Variants in AREL1 observed in about 807,000 individuals in gnomAD.
AREL1 encodes the protein apoptosis-resistant E3 ubiquitin protein ligase 1.
Under a neutral mutation model 99.0 loss-of-function variants are expected in AREL1, and 62 were observed. The ratio of observed to expected loss-of-function variants is 0.63; its 90% CI spans 0.51 to 0.77. The LOEUF is 0.77. Among genes scored for constraint, AREL1 ranks in the 30% least tolerant of loss-of-function variants. The probability of loss-of-function intolerance (pLI) is 0.00; values close to 1 mark genes in which losing one functional copy is unlikely to be tolerated. For synonymous variants in AREL1, 380 were observed against 376.5 expected, an observed-to-expected ratio of 1.01 and a Z score of -0.11; for missense variants, 879 against 1,027.6, an observed-to-expected ratio of 0.86 and a Z score of 1.98.
intron 7 of AREL1, 81 bp from the exon 8 acceptor site, chr14:74,676,027 G>A (rs747390404): frequency 4.1e-5 from 63 of 1,549,798 alleles, no homozygotes; most frequent in Non-Finnish European, 5.1e-5. Flanking sequence ...TAGTCCACAG[G>A]ACAAGCCAAA....
Position 74,684,696 on chromosome 14 carries a change from A to C in AREL1, c.17-16T>G. 6.2e-7 allele frequency: 1 copy of C among 1,610,124 alleles called. No homozygotes were observed. The highest frequency in any genetic ancestry group is 1.3e-5 in the African/African-American group (1 of 74,962). ...GTGATTCCACCTATGCAAAAGAGAG[A>C]ACACACAAACCGCCTGCCAGTTACA... On this transcript the variant is annotated splice_polypyrimidine_tract_variant and intron_variant, in intron 3 of 19. Coordinates refer to ENST00000356357, the MANE Select transcript of AREL1 (RefSeq NM_001039479.2).
Position 74,667,551 on chromosome 14 carries a change from T to C in AREL1, c.1958A>G (p.Asn653Ser), listed in dbSNP as rs768107446. Residue 653 changes from asparagine to serine, a missense_variant, in exon 16 of 20, where the codon AAT (asparagine) becomes AGT (serine). Physicochemically the swap from Asn to Ser is conservative, Grantham distance 46. Coordinates refer to ENST00000356357, the MANE Select transcript of AREL1 (RefSeq NM_001039479.2). ...MTGGAQTPVT[N>S]ANKIFYLNLL... Reference sequence around the variant, plus strand: ...ATTTAAATAGAAGATTTTATTCGCATTGGTGACTGGAGTTTGAGCTCCACC... The same window carrying C: ...ATTTAAATAGAAGATTTTATTCGCACTGGTGACTGGAGTTTGAGCTCCACC... 6.8e-6 allele frequency: 11 copies of C among 1,613,696 alleles called. No individual in the cohort carries two copies. In the East Asian group the frequency reaches 2.0e-4, roughly 29 times the overall value.
intron 5 of AREL1, among the ~76,000 whole-genome samples, chr14:74,678,937 C>T (rs558417756): frequency 1.3e-5 from 2 of 152,284 alleles, no homozygotes; most frequent in African/African-American, 4.8e-5. Context: ...GTCACCCAGG[C>T]TGGAGTGTAG....
At chr14:74,684,923 T>C (rs1217043994) in intron 3 of AREL1, among the ~76,000 whole-genome samples, 9 of 152,204 alleles carry the variant, frequency 5.9e-5, no homozygotes, top group Admixed American at 3.3e-4. Context: ...TAAAGTTCCA[T>C]TGGGATACAG....
chr14:74,662,098 G>C lies in AREL1; in HGVS notation c.*1622C>G, dbSNP rs777778000. 1 of 153,172 alleles carries C rather than the reference G, an allele frequency of 6.5e-6. No homozygotes were observed. The highest frequency in any genetic ancestry group is 1.5e-5 in the Non-Finnish European group (1 of 68,452). The allele number at this position is 153,172 out of a possible 1,614,324, so 9.5% of individuals were successfully genotyped here. ...TGACCATGTGGCATGGAGGATCCTG[G>C]GGTATAGAGACCCTGATGCTGGATC... is the stretch of plus-strand genomic sequence containing the variant. On this transcript the variant is annotated 3_prime_UTR_variant, in exon 20 of 20. Coordinates refer to ENST00000356357, the MANE Select transcript of AREL1 (RefSeq NM_001039479.2).
At chr14:74,672,341 T>C (rs1420162909) in intron 11 of AREL1, among the ~76,000 whole-genome samples, 2 of 152,188 alleles carry the variant, frequency 1.3e-5, no homozygotes, top group Non-Finnish European at 2.9e-5. Context: ...AAGAGAGAAA[T>C]TTAGGTTTCA....
intron 1 of AREL1, chr14:74,711,935 T>G (rs1236075254): frequency 6.6e-6 from 1 of 150,494 alleles, no homozygotes; most frequent in African/African-American, 2.4e-5. Context: ...ATAACATATT[T>G]TACTTCCAAC....
At chr14:74,706,105 C>T (rs2090173893) in intron 1 of AREL1, among the ~76,000 whole-genome samples, 1 of 152,198 alleles carries the variant, frequency 6.6e-6, no homozygotes, top group Non-Finnish European at 1.5e-5. Flanking sequence ...TTTCTATATA[C>T]AAAACTGACT....
intron 15 of AREL1, among the ~76,000 whole-genome samples, chr14:74,668,239 C>A (rs546862328): frequency 3.3e-4 from 50 of 152,252 alleles, no homozygotes; most frequent in African/African-American, 1.2e-3. Context: ...AATTGGTATC[C>A]CCCAATAAAC....
At position 74,672,370 on chromosome 14, in the gene AREL1, CTTTTA is replaced by C. The variant is rs371747758; in HGVS notation, c.1422+456_1422+460del. ...GGTTTCAGAAATTTAGTATATCTGT[CTTTTA>C]TAAGTATATCTGTCTTTTATAAGTA... On this transcript the variant is annotated intron_variant, in intron 11 of 19. Transcript: ENST00000356357. Among the ~76,000 whole-genome samples, 94 of 152,200 alleles carry C rather than the reference CTTTTA, an allele frequency of 6.2e-4. No individual in the cohort carries two copies. In the East Asian group the frequency reaches 0.017, roughly 27 times the overall value.
chr14:74,704,398 T>C (rs1321486100), intron 1 of AREL1, among the ~76,000 whole-genome samples: 1 of 152,152 alleles, frequency 6.6e-6, no homozygotes, highest in Non-Finnish European at 1.5e-5. Flanking sequence ...AATCAAGATG[T>C]ATACTGGCTC....
At chr14:74,691,909 G>A (rs1263010696) in intron 2 of AREL1, 132 bp downstream of exon 2, 3 of 171,072 alleles carry the variant, frequency 1.8e-5, no homozygotes, top group African/African-American at 7.2e-5. Context: ...TTGCTCTGCT[G>A]GGGACAAAGT....
chr14:74,691,318 T>A (rs1594772975), intron 2 of AREL1, among the ~76,000 whole-genome samples: 2 of 99,588 alleles, frequency 2.0e-5, no homozygotes, highest in Admixed American at 1.4e-4. Context: ...AGACCCTGTC[T>A]CCATTTAAAA....
At chr14:74,707,517 C>T (rs895183684) in intron 1 of AREL1, among the ~76,000 whole-genome samples, 6 of 151,878 alleles carry the variant, frequency 4.0e-5, no homozygotes, top group Admixed American at 6.6e-5. Context: ...AAAAAATGGC[C>T]GGGCACAGTG....
intron 2 of AREL1, among the ~76,000 whole-genome samples, chr14:74,689,448 A>G (rs1477927747): frequency 1.3e-5 from 2 of 152,034 alleles, no homozygotes; most frequent in Non-Finnish European, 1.5e-5. Context: ...TTTATTCTCT[A>G]TGCATGGAAA....
rs1468085512 is a variant in AREL1, at chr14:74,673,190, T to G, written c.1187A>C (p.His396Pro). The change falls in exon 10 of 20, where the codon CAT (histidine) becomes CCT (proline). Residue 396 changes from histidine to proline, a missense_variant. Coordinates refer to ENST00000356357, the MANE Select transcript of AREL1 (RefSeq NM_001039479.2). The stretch of plus-strand genomic sequence containing the variant: ...ATCCACCACCAGTGTGAGCAGCTTA[T>G]GGACAGGGTCAGGACCAAGGTATGA... ...KFSYLGPDPV[H>P]KLLTLVVDDG... is the part of the protein sequence containing the mutation. 1 of 1,613,994 alleles carries G rather than the reference T, an allele frequency of 6.2e-7. No individual in the cohort carries two copies. Among genetic ancestry groups the G allele is most frequent in the African/African-American group, 1.3e-5 (1 of 74,912 alleles).
chr14:74,697,475 T>C (rs1463465209), intron 1 of AREL1, among the ~76,000 whole-genome samples: 1 of 152,200 alleles, frequency 6.6e-6, no homozygotes, highest in Non-Finnish European at 1.5e-5. Flanking sequence ...TCAGTTTACA[T>C]TTACTATGGC....
chr14:74,712,405 G>A (rs2090329595), intron 1 of AREL1, among the ~76,000 whole-genome samples: 1 of 152,086 alleles, frequency 6.6e-6, no homozygotes, highest in Non-Finnish European at 1.5e-5. Context: ...AAACTTTCAA[G>A]AAATAAGTTA....
chr14:74,668,843 G>A (rs532358693), intron 15 of AREL1, among the ~76,000 whole-genome samples: 2 of 152,256 alleles, frequency 1.3e-5, no homozygotes, highest in African/African-American at 4.8e-5. Flanking sequence ...ACATGCATCG[G>A]AAATATCTCT....
Sources: allele counts gnomAD v4.1 joint callset (sites outside exome capture counted in the v4.1 genomes callset), GRCh38; gene constraint gnomAD v4.1.1; transcripts MANE v1.5; gene names NCBI Gene and HGNC (gene_info 2026-07-23, HGNC 2026-07-21).